Variants in ZMYM6 observed in about 807,000 individuals in gnomAD.
ZMYM6 encodes the protein zinc finger MYM-type protein 6.
ZMYM6 carries 90 observed loss-of-function variants against 134.0 expected under a neutral mutation model. The observed-to-expected ratio is 0.67, with a 90% CI of 0.57 to 0.80. The LOEUF is 0.80. Ranked by LOEUF, ZMYM6 falls within the 30% of genes least tolerant of loss-of-function variation. The pLI is 0.00. For missense variants in ZMYM6, 1,362 were observed against 1,533.9 expected (o/e 0.89, Z 1.87); for synonymous variants, 481 against 524.1 (o/e 0.92, Z 1.12).
chr1:34,992,391 GT>G lies in ZMYM6; in HGVS notation c.1993-5del, dbSNP rs1278462443. On this transcript the variant is annotated splice_region_variant and splice_polypyrimidine_tract_variant and intron_variant, in intron 14 of 15. Coordinates refer to ENST00000357182, the MANE Select transcript of ZMYM6 (RefSeq NM_007167.4). ...TAGCATCTTCCTGTGTACTTTCCTA[GT>G]TAAAAGCAAATTCAGAAACCAAAGA... 9 of 1,607,862 alleles carry G rather than the reference GT, an allele frequency of 5.6e-6. No homozygotes were observed. The highest frequency in any genetic ancestry group is 7.6e-6 in the Non-Finnish European group (9 of 1,178,536).
In ZMYM6 at chr1:35,014,726, TAA is replaced by T; in HGVS notation, c.764_765del (p.Phe255Ter). 6.2e-7 allele frequency: 1 copy of T among 1,614,066 alleles called. No homozygotes were observed. The highest frequency in any genetic ancestry group is 8.5e-7 in the Non-Finnish European group (1 of 1,179,992). The part of the protein sequence containing the change: ...SSGPCQSQKV[F>X]SSTSVTAYKQ... ...TTGTATGCCGTGACACTTGTTGAAC[TAA>T]AAACCTTCTGGGATTGGCAAGGACC... is the stretch of plus-strand genomic sequence containing the variant. On this transcript the variant is annotated frameshift_variant, in exon 6 of 16. Transcript: ENST00000357182. LOFTEE classifies it high-confidence loss of function.
chr1:35,012,662 AC>A, intron 6 of ZMYM6, 81 bp from the exon 7 acceptor site: 1 of 1,540,638 alleles, frequency 6.5e-7, no homozygotes. Flanking sequence ...AAGAAAAGCT[AC>A]CTACAACCAC....
chr1:35,029,197 A>G (rs1641471865), intron 2 of ZMYM6, among the ~76,000 whole-genome samples: 1 of 152,146 alleles, frequency 6.6e-6, no homozygotes, highest in Admixed American at 6.5e-5. Context: ...AAAAAACCCT[A>G]TAATGGCTAT....
At position 35,020,619 on chromosome 1, in the gene ZMYM6, C is replaced by T. The variant is rs545945893; in HGVS notation, c.94-152G>A. The T allele has an allele frequency of 1.2e-4, 73 of 588,692 alleles. 1 individual carries two copies. The highest frequency in any genetic ancestry group is 5.3e-4 in the Middle Eastern group (1 of 1,870). The allele number at this position is 588,692 out of a possible 1,614,324, so 36.5% of individuals were successfully genotyped here. On this transcript the variant is annotated intron_variant, in intron 2 of 15. Transcript: ENST00000357182. The stretch of plus-strand genomic sequence containing the variant: ...ATGGAGTCTCACTTGGGTGCCCAGG[C>T]TGAAGTGCAGTGGCGCGATCTCAGC...
Position 34,987,156 on chromosome 1 carries a change from G to C in ZMYM6, c.3926C>G (p.Ala1309Gly). 2 of 1,589,826 alleles carry C rather than the reference G, an allele frequency of 1.3e-6. No homozygotes were observed. Among genetic ancestry groups the C allele is most frequent in the Non-Finnish European group, 1.7e-6 (2 of 1,171,394 alleles). The change falls in exon 16 of 16, where the codon GCA (alanine) becomes GGA (glycine). Residue 1309 changes from alanine (A) to glycine (G), a missense_variant. This residue lies in a region of ZMYM6 where 824 missense variants were observed against 940.9 expected (regional missense o/e 0.88). Transcript: ENST00000357182. Reference sequence around the variant, plus strand: ...TATCCTTGGAATTAAAGATGTGACTGCAAGTCTTAGGGCAGGGCCAGAACC... The same window carrying C: ...TATCCTTGGAATTAAAGATGTGACTCCAAGTCTTAGGGCAGGGCCAGAACC... Reference protein sequence around the residue: ...LLGSGPALRLAVTSLIPRIEK... With the variant: ...LLGSGPALRLGVTSLIPRIEK...
chr1:35,004,831 G>A (rs1283438616), intron 13 of ZMYM6, among the ~76,000 whole-genome samples: 1 of 152,060 alleles, frequency 6.6e-6, no homozygotes, highest in Admixed American at 6.6e-5. Context: ...GCCGAGGCAG[G>A]TGGCTCACCT....
At chr1:35,010,171 G>A (rs1054892758) in intron 10 of ZMYM6, among the ~76,000 whole-genome samples, 7 of 151,946 alleles carry the variant, frequency 4.6e-5, no homozygotes, top group African/African-American at 7.3e-5. Flanking sequence ...CACCATGCCC[G>A]GCTAATTTTG....
Position 35,008,907 on chromosome 1 carries a change from C to T in ZMYM6, c.1510G>A (p.Ala504Thr), listed in dbSNP as rs1423455204. The part of the protein sequence containing the change: ...FCSEVCKFLS[A>T]RDFGERWGNY... ...CCCCATCGTTCTCCAAAGTCACGGG[C>T]AGAGAGGAATTTGCAAACTGAGGAT... Residue 504 changes from alanine (A) to threonine (T), a missense_variant, in exon 11 of 16, where the codon GCC becomes ACC. Coordinates refer to ENST00000357182, the MANE Select transcript of ZMYM6 (RefSeq NM_007167.4). 6.2e-7 allele frequency: 1 copy of T among 1,611,198 alleles called. No homozygotes were observed. The highest frequency in any genetic ancestry group is 2.2e-5 in the East Asian group (1 of 44,802).
chr1:35,021,087 G>A (rs993876063), intron 2 of ZMYM6, among the ~76,000 whole-genome samples: 1 of 147,822 alleles, frequency 6.8e-6, no homozygotes, highest in East Asian at 2.0e-4. Context: ...TAGGTAGTGT[G>A]TTTAAAAGGG....
intron 2 of ZMYM6, among the ~76,000 whole-genome samples, chr1:35,023,060 T>A (rs910219071): frequency 1.3e-5 from 2 of 151,974 alleles, no homozygotes; most frequent in Non-Finnish European, 2.9e-5. Flanking sequence ...CAGAATGACA[T>A]CTTACAGTTA....
chr1:35,003,983 T>C lies in ZMYM6; in HGVS notation c.1977A>G (p.Ala659=), dbSNP rs759900204. 3 of 1,612,518 alleles carry C rather than the reference T, an allele frequency of 1.9e-6. No individual in the cohort carries two copies. The East Asian group carries it at 6.7e-5, about 36-fold the overall frequency. ...TTAAACTCACATCTTGAATGATCTT[T>C]GCTGCCTCTTTAGTAACTGCACCTG... ...VLKGAVTKEA[A]KIIQDESTQE... Residue 659 remains alanine (A), a synonymous_variant, in exon 14 of 16, where the codon GCA becomes GCG. Coordinates refer to ENST00000357182, the MANE Select transcript of ZMYM6 (RefSeq NM_007167.4).
Position 34,988,035 on chromosome 1 carries a change from C to T in ZMYM6, c.3047G>A (p.Arg1016His), listed in dbSNP as rs558695693. 3.1e-5 allele frequency: 48 copies of T among 1,551,448 alleles called. No individual in the cohort carries two copies. The highest frequency in any genetic ancestry group is 5.9e-5 in the Admixed American group (3 of 50,978). Residue 1016 changes from arginine (R) to histidine (H), a missense_variant, in exon 16 of 16, where the codon CGT becomes CAT. Coordinates refer to ENST00000357182, the MANE Select transcript of ZMYM6 (RefSeq NM_007167.4). ...AFTHCFIHRE[R>H]LVAEKLSPCL... ...TGGAGACAACTTTTCTGCCACTAAA[C>T]GTTCACGGTGAATAAAACAATGTGT...
chr1:35,007,225 T>C (rs1640998291), intron 11 of ZMYM6, 127 bp from the exon 12 acceptor site: 8 of 853,516 alleles, frequency 9.4e-6, no homozygotes, highest in African/African-American at 1.8e-5. Flanking sequence ...AATGTAAGGT[T>C]CTTACCTTAA....
At chr1:34,998,615 T>C (rs950689157) in intron 14 of ZMYM6, among the ~76,000 whole-genome samples, 1 of 151,780 alleles carries the variant, frequency 6.6e-6, no homozygotes, top group Non-Finnish European at 1.5e-5. Context: ...GAGGCGGTAA[T>C]GGAGGTGGTA....
rs1044072316 is a variant in ZMYM6 at position 34,988,637 on chromosome 1, A to C, written c.2445T>G (p.Asn815Lys). 1.3e-5 allele frequency: 20 copies of C among 1,548,094 alleles called. No homozygotes were observed. The Admixed American group carries it at 4.0e-4, about 31-fold the overall frequency. ...EQKSLEMECQ[N>K]SSLKKCLLVE... ...CTAGTAAACACTTTTTTAAAGAACT[A>C]TTTTGACATTCCATTTCTAAAGATT... The change falls in exon 16 of 16, where the codon AAT becomes AAG. Residue 815 changes from asparagine to lysine, a missense_variant. Transcript: ENST00000357182.
At chr1:35,008,963 T>C (rs949234919) in intron 10 of ZMYM6, 39 bp from the exon 11 acceptor site, 2 of 1,587,696 alleles carry the variant, frequency 1.3e-6, no homozygotes, top group Non-Finnish European at 1.7e-6. Flanking sequence ...AAATCAAATT[T>C]ACATTAACTG....
At chr1:35,031,489 A>T (rs1641523288) in intron 1 of ZMYM6, 1 of 152,294 alleles carries the variant, frequency 6.6e-6, no homozygotes, top group Non-Finnish European at 1.5e-5. Flanking sequence ...CTGGTTGAAA[A>T]GCCTGTTCCA....
chr1:34,991,429 C>G (rs1640670939), intron 15 of ZMYM6, among the ~76,000 whole-genome samples: 1 of 152,040 alleles, frequency 6.6e-6, no homozygotes, highest in Non-Finnish European at 1.5e-5. Context: ...TGTTGACAGA[C>G]TAAGCTTTTA....
At chr1:35,018,980 T>C (rs1641255016) in intron 4 of ZMYM6, 1 of 284,374 alleles carries the variant, frequency 3.5e-6, no homozygotes, top group Non-Finnish European at 6.5e-6. Flanking sequence ...AAGAATTAAA[T>C]AGCTTTTGTA....
Sources: allele counts gnomAD v4.1 joint callset (sites outside exome capture counted in the v4.1 genomes callset), GRCh38; gene constraint gnomAD v4.1.1; regional missense constraint gnomAD v4.1.1; transcripts MANE v1.5; gene names NCBI Gene and HGNC (gene_info 2026-07-23, HGNC 2026-07-21).